Variants in PIWIL4 observed in about 807,000 individuals in gnomAD.
The protein encoded by PIWIL4 is piwi like RNA-mediated gene silencing 4.
Under a neutral mutation model 100.9 loss-of-function variants are expected in PIWIL4, and 50 were observed. The ratio of observed to expected loss-of-function variants is 0.50; its 90% CI spans 0.39 to 0.63. The LOEUF is 0.63. Ranked by LOEUF, PIWIL4 falls within the 20% of genes least tolerant of loss-of-function variation. The probability of loss-of-function intolerance (pLI) is 0.00; values close to 1 mark genes in which losing one functional copy is unlikely to be tolerated. For missense variants in PIWIL4, 887 were observed against 1,043.3 expected (o/e 0.85, Z 2.06); for synonymous variants, 342 against 367.5 (o/e 0.93, Z 0.79).
intron 17 of PIWIL4, among the ~76,000 whole-genome samples, chr11:94,618,879 G>C (rs1444095600): frequency 6.6e-6 from 1 of 152,190 alleles, no homozygotes; most frequent in African/African-American, 2.4e-5. Flanking sequence ...TATTGTTAGA[G>C]TGGAGGGGAA....
chr11:94,609,083 CTG>C (rs1948759823), intron 15 of PIWIL4, among the ~76,000 whole-genome samples: 1 of 152,196 alleles, frequency 6.6e-6, no homozygotes, highest in Non-Finnish European at 1.5e-5. Flanking sequence ...CTTACTTACT[CTG>C]TGACTGAGGT....
rs34142275 is a variant in PIWIL4 at position 94,589,877 on chromosome 11, G to A, written c.1026+645G>A. ...TTGAGCTCTGGGGAGGGGGCTCCTT[G>A]TTTTTGGATTCCCAGGACTAGCTCA... On this transcript the variant is annotated intron_variant, in intron 8 of 19. Coordinates refer to ENST00000299001, the MANE Select transcript of PIWIL4 (RefSeq NM_152431.3). Among the ~76,000 whole-genome samples, 940 of 152,174 alleles carry A rather than the reference G, an allele frequency of 6.2e-3. 8 individuals are homozygous for A. The highest frequency in any genetic ancestry group is 0.014 in the African/African-American group (587 of 41,510).
intron 6 of PIWIL4, 105 bp from the exon 7 acceptor site, chr11:94,586,945 G>T (rs1948408881): frequency 1.2e-5 from 14 of 1,142,320 alleles, no homozygotes; most frequent in Non-Finnish European, 1.7e-5. Flanking sequence ...AAATTATCTT[G>T]TTAAGATCTC....
intron 8 of PIWIL4, among the ~76,000 whole-genome samples, chr11:94,593,255 A>G (rs908026447): frequency 1.7e-4 from 26 of 152,184 alleles, no homozygotes; most frequent in African/African-American, 6.3e-4. Context: ...GCTGGAGTCT[A>G]TTCTGAATCT....
At chr11:94,619,031 C>T (rs1220352045) in intron 17 of PIWIL4, among the ~76,000 whole-genome samples, 3 of 152,206 alleles carry the variant, frequency 2.0e-5, no homozygotes, top group Admixed American at 6.5e-5. Context: ...GTAAATTTAG[C>T]AGCTGACAGT....
At chr11:94,576,848 T>C (rs759099195) in intron 3 of PIWIL4, among the ~76,000 whole-genome samples, 18 of 152,368 alleles carry the variant, frequency 1.2e-4, no homozygotes, top group Admixed American at 5.9e-4. Context: ...TTATCTGGAT[T>C]TCCCAGAGGT....
At position 94,595,418 on chromosome 11, in the gene PIWIL4, C is replaced by G. The variant is rs1332785912; in HGVS notation, c.1260C>G (p.Asn420Lys). 6.2e-7 allele frequency: 1 copy of G among 1,612,460 alleles called. No individual in the cohort carries two copies. The highest frequency in any genetic ancestry group is 8.5e-7 in the Non-Finnish European group (1 of 1,179,072). Residue 420 changes from asparagine to lysine, a missense_variant, in exon 10 of 20, where the codon AAC (asparagine) becomes AAG (lysine). Transcript: ENST00000299001. ...AGCGCCTGGCCAGGCTTGTGGACAA[C>G]ATCCAGAGGTACTGGATCACCGCAT... ...RQQRLARLVD[N>K]IQRNTNARFE...
At chr11:94,574,929 G>GGATTGCAATGCA in intron 2 of PIWIL4, 70 bp from the exon 3 acceptor site, 1 of 1,471,938 alleles carries the variant, frequency 6.8e-7, no homozygotes, top group South Asian at 1.2e-5. Flanking sequence ...ATGCATTTTT[G>GGATTGCAATGCA]ACATAGTAGT....
At chr11:94,597,768 T>C in intron 10 of PIWIL4, 36 bp from the exon 11 acceptor site, 1 of 1,433,124 alleles carries the variant, frequency 7.0e-7, no homozygotes, top group Non-Finnish European at 9.8e-7. Flanking sequence ...TATAATTATA[T>C]CTCTCTTTAA....
intron 8 of PIWIL4, among the ~76,000 whole-genome samples, chr11:94,590,274 C>T (rs746646585): frequency 6.6e-6 from 1 of 152,126 alleles, no homozygotes; most frequent in Non-Finnish European, 1.5e-5. Context: ...TGTTCTTATC[C>T]TAAAGGGCTT....
chr11:94,619,666 ATTT>A (rs1362843725), intron 17 of PIWIL4, 91 bp from the exon 18 acceptor site: 2 of 1,346,428 alleles, frequency 1.5e-6, no homozygotes, highest in African/African-American at 3.0e-5. Flanking sequence ...TTCAAATGGA[ATTT>A]TTATTTATTT....
At position 94,567,514 on chromosome 11, in the gene PIWIL4, G is replaced by GGAACATGAGTGGAA; in HGVS notation, c.-2_12dup. 1 of 1,586,326 alleles carries GGAACATGAGTGGAA rather than the reference G, an allele frequency of 6.3e-7. No homozygotes were observed. The highest frequency in any genetic ancestry group is 8.6e-7 in the Non-Finnish European group (1 of 1,165,718). Reference sequence around the variant, plus strand: ...TCTTGTGGCCACTCTGGGCTCACCGGGAACATGAGTGGAAGAGCCCGAGTG... The same window carrying GGAACATGAGTGGAA: ...TCTTGTGGCCACTCTGGGCTCACCGGGAACATGAGTGGAAGAACATGAGTGGAAGAGCCCGAGTG... On this transcript the variant is annotated 5_prime_UTR_variant, in exon 1 of 20. The change creates a new upstream start codon in the 5' untranslated region. Transcript: ENST00000299001.
In PIWIL4 at chr11:94,607,586, G is replaced by A. The variant is rs377761223; in HGVS notation, c.1786G>A (p.Ala596Thr). ...GATGATGAGTATCGCCACCAAGATCGCTATGCAGATGACTTGCAAGCTCGG... is the reference window on the plus strand; with the variant it reads ...GATGATGAGTATCGCCACCAAGATCACTATGCAGATGACTTGCAAGCTCGG... ...GMMMSIATKIAMQMTCKLGGE... is the reference protein window; with the variant it reads ...GMMMSIATKITMQMTCKLGGE... Residue 596 changes from alanine to threonine, a missense_variant, in exon 14 of 20, where the codon GCT becomes ACT. By Grantham distance (58) the Ala-to-Thr change is moderately conservative. Transcript: ENST00000299001. The A allele has an allele frequency of 1.3e-4, 214 of 1,614,034 alleles. No homozygotes were observed. The highest frequency in any genetic ancestry group is 1.0e-3 in the South Asian group (92 of 91,080).
intron 8 of PIWIL4, among the ~76,000 whole-genome samples, chr11:94,590,388 GT>G (rs1340309054): frequency 6.6e-6 from 1 of 152,154 alleles, no homozygotes; most frequent in Non-Finnish European, 1.5e-5. Flanking sequence ...CTTTCAGGTT[GT>G]TCTATCTTAG....
At position 94,603,979 on chromosome 11, in the gene PIWIL4, T is replaced by C. The variant is rs1222090892; in HGVS notation, c.1566-5T>C. Reference sequence around the variant, plus strand: ...CATAGCTTCAAAATTAATCTTTTTATGTAGCATAAAAGTACAAGAAAATCC... The same window carrying C: ...CATAGCTTCAAAATTAATCTTTTTACGTAGCATAAAAGTACAAGAAAATCC... On this transcript the variant is annotated splice_region_variant and splice_polypyrimidine_tract_variant and intron_variant, in intron 12 of 19. Coordinates refer to ENST00000299001, the MANE Select transcript of PIWIL4 (RefSeq NM_152431.3). 6.3e-7 allele frequency: 1 copy of C among 1,583,816 alleles called. No homozygotes were observed.
At position 94,607,612 on chromosome 11, in the gene PIWIL4, A is replaced by G; in HGVS notation, c.1812A>G (p.Gly604=). The G allele has an allele frequency of 1.2e-6, 2 of 1,614,128 alleles. No individual in the cohort carries two copies. Among genetic ancestry groups the G allele is most frequent in the Non-Finnish European group, 1.7e-6 (2 of 1,180,012 alleles). The change falls in exon 14 of 20, where the codon GGA becomes GGG. Residue 604 remains glycine (G), a synonymous_variant. Coordinates refer to ENST00000299001, the MANE Select transcript of PIWIL4 (RefSeq NM_152431.3). ...KIAMQMTCKL[G]GELWAVEIPL... ...CTATGCAGATGACTTGCAAGCTCGGAGGCGAGCTGTGGGCTGTGGAAATAC... is the reference window on the plus strand; with the variant it reads ...CTATGCAGATGACTTGCAAGCTCGGGGGCGAGCTGTGGGCTGTGGAAATAC...
At chr11:94,572,485 C>G (rs1363771943) in intron 2 of PIWIL4, among the ~76,000 whole-genome samples, 1 of 152,120 alleles carries the variant, frequency 6.6e-6, no homozygotes, top group African/African-American at 2.4e-5. Flanking sequence ...GGGAAGGGAT[C>G]CAGTTTCAGC....
Position 94,615,646 on chromosome 11 carries a change from A to AGAT in PIWIL4, c.1944-845_1944-843dup, listed in dbSNP as rs368928482. On this transcript the variant is annotated intron_variant, in intron 15 of 19. Transcript: ENST00000299001. ...TTTTACAAAAAAACAAAATGTTTAG[A>AGAT]GATGGGGTCTTGCTTTGTTGCCCAG... is the stretch of plus-strand genomic sequence containing the variant. 6.5e-4 allele frequency among the ~76,000 whole-genome samples: 99 copies of AGAT among 152,244 alleles called. 2 individuals carry two copies. The highest frequency in any genetic ancestry group is 2.4e-3 in the African/African-American group (98 of 41,546).
At chr11:94,617,543 A>G (rs995466558) in intron 16 of PIWIL4, among the ~76,000 whole-genome samples, 6 of 152,200 alleles carry the variant, frequency 3.9e-5, no homozygotes, top group African/African-American at 7.2e-5. Flanking sequence ...CCATTTCCTT[A>G]GATTTTCATA....
Sources: allele counts gnomAD v4.1 joint callset (sites outside exome capture counted in the v4.1 genomes callset), GRCh38; gene constraint gnomAD v4.1.1; transcripts MANE v1.5; gene names NCBI Gene and HGNC (gene_info 2026-07-23, HGNC 2026-07-21).